The following CTNNA3 variants were observed in gnomAD, a reference collection of about 807,000 sequenced individuals.
The protein encoded by CTNNA3 is catenin alpha-3.
CTNNA3 carries 76 observed loss-of-function variants against 95.7 expected under a neutral mutation model. That is an observed-to-expected ratio of 0.79 (90% CI 0.66 to 0.96). The LOEUF (loss-of-function observed/expected upper bound fraction) is 0.96. CTNNA3 is among the 40% of genes least tolerant of loss of function. The pLI is 0.00. For missense variants in CTNNA3, 1,191 were observed against 1,089.8 expected (o/e 1.09, Z -1.31); for synonymous variants, 431 against 374.4 (o/e 1.15, Z -1.74).
chr10:65,999,772 T>G (rs2078734178), intron 15 of CTNNA3, among the ~76,000 whole-genome samples: 1 of 152,194 alleles, frequency 6.6e-6, no homozygotes, highest in Non-Finnish European at 1.5e-5. Context: ...ATTTCCATAA[T>G]GGGTTCTTGG....
intron 5 of CTNNA3, among the ~76,000 whole-genome samples, chr10:67,487,424 T>C (rs1186480833): frequency 1.3e-5 from 2 of 152,138 alleles, no homozygotes; most frequent in African/African-American, 4.8e-5. Context: ...TGTACGTGTG[T>C]GTCCTCTCTC....
At chr10:66,745,587 C>CTTTTTTT (rs368932444) in intron 9 of CTNNA3, among the ~76,000 whole-genome samples, 1 of 109,648 alleles carries the variant, frequency 9.1e-6, no homozygotes. Flanking sequence ...TGCAGACAGC[C>CTTTTTTT]TTTTTTTTTT....
intron 5 of CTNNA3, among the ~76,000 whole-genome samples, chr10:67,438,152 A>G (rs534114161): frequency 2.0e-5 from 3 of 152,172 alleles, no homozygotes; most frequent in Non-Finnish European, 4.4e-5. Context: ...TGTTTTTCCC[A>G]CTTACTGGCA....
At chr10:67,422,562 G>A (rs1427585754) in intron 5 of CTNNA3, among the ~76,000 whole-genome samples, 1 of 152,130 alleles carries the variant, frequency 6.6e-6, no homozygotes, top group East Asian at 1.9e-4. Context: ...TCAAATTAGA[G>A]GAGGGGCCTG....
intron 1 of CTNNA3, among the ~76,000 whole-genome samples, chr10:67,678,453 T>C (rs180956728): frequency 2.4e-4 from 37 of 152,276 alleles, no homozygotes; most frequent in African/African-American, 8.4e-4. Flanking sequence ...AGCTTCATCA[T>C]TCAGAGGGCA....
At chr10:67,327,993 G>T (rs767188465) in intron 5 of CTNNA3, among the ~76,000 whole-genome samples, 1 of 152,108 alleles carries the variant, frequency 6.6e-6, no homozygotes, top group African/African-American at 2.4e-5. Context: ...TTACCATAAG[G>T]GCAGAGCACT....
intron 9 of CTNNA3, among the ~76,000 whole-genome samples, chr10:66,694,758 G>A (rs4300298): frequency 0.18 from 26,932 of 152,060 alleles, 3,009 homozygotes; most frequent in East Asian, 0.34. Context: ...AATTCCAAGG[G>A]ATCACAAACA....
chr10:67,616,479 CTTT>C (rs752892858), intron 2 of CTNNA3, among the ~76,000 whole-genome samples: 5 of 152,180 alleles, frequency 3.3e-5, no homozygotes, highest in Non-Finnish European at 7.3e-5. Flanking sequence ...ACACTGGCTT[CTTT>C]GAGGAAGCAG....
At chr10:67,460,212 T>C (rs2132990486) in intron 5 of CTNNA3, among the ~76,000 whole-genome samples, 1 of 152,262 alleles carries the variant, frequency 6.6e-6, no homozygotes, top group East Asian at 1.9e-4. Flanking sequence ...GTTTTCATTC[T>C]AACTGTTGAA....
intron 10 of CTNNA3, among the ~76,000 whole-genome samples, chr10:66,543,754 G>T (rs1319850419): frequency 6.6e-6 from 1 of 151,332 alleles, no homozygotes. Flanking sequence ...TATAAGGAAA[G>T]CTGTGAATAG....
chr10:67,489,203 T>G (rs75378060), intron 5 of CTNNA3, among the ~76,000 whole-genome samples: 10,960 of 152,264 alleles, frequency 0.072, 479 homozygotes, highest in South Asian at 0.14. Flanking sequence ...CTTTTCTTTA[T>G]GTACCTAAGA....
At chr10:66,000,272 A>G (rs1353750493) in intron 15 of CTNNA3, among the ~76,000 whole-genome samples, 1 of 151,886 alleles carries the variant, frequency 6.6e-6, no homozygotes, top group Non-Finnish European at 1.5e-5. Flanking sequence ...TCTCTTTCCT[A>G]TCCCTGACCT....
At chr10:66,271,890 C>A (rs2091289606) in intron 13 of CTNNA3, among the ~76,000 whole-genome samples, 2 of 152,168 alleles carry the variant, frequency 1.3e-5, no homozygotes. Context: ...TGTAGCTTAA[C>A]ACGTTTCCTG....
chr10:66,889,546 T>C (rs943114885), intron 7 of CTNNA3, among the ~76,000 whole-genome samples: 4 of 152,034 alleles, frequency 2.6e-5, no homozygotes, highest in African/African-American at 9.7e-5. Context: ...ATAAAGTCTA[T>C]TAAAAAAAGA....
intron 5 of CTNNA3, among the ~76,000 whole-genome samples, chr10:67,244,768 T>C (rs1194527631): frequency 6.6e-6 from 1 of 152,172 alleles, no homozygotes; most frequent in East Asian, 1.9e-4. Flanking sequence ...TAAAAGCTAG[T>C]CCAGAAAACC....
chr10:67,726,426 T>TGAAATTATATATATTATATA lies in CTNNA3; in HGVS notation c.-2+37007_-2+37008insTATATAATATATATAATTTC, dbSNP rs1554879490. Reference sequence around the variant, plus strand: ...ATTATATCATATATAATATTATATATTATATCATATATAATATATAATATT... The same window carrying TGAAATTATATATATTATATA: ...ATTATATCATATATAATATTATATATGAAATTATATATATTATATATATATCATATATAATATATAATATT... On this transcript the variant is annotated intron_variant, in intron 1 of 17. Transcript: ENST00000684154. Among the ~76,000 whole-genome samples, 2 of 29,518 alleles carry TGAAATTATATATATTATATA rather than the reference T, an allele frequency of 6.8e-5. 1 individual carries two copies. Among genetic ancestry groups the TGAAATTATATATATTATATA allele is most frequent in the African/African-American group, 8.0e-4 (2 of 2,490 alleles). 19.4% of individuals were successfully genotyped at this position (29,518 alleles called of 152,430 possible).
chr10:66,356,515 A>G (rs1363664363), intron 12 of CTNNA3, among the ~76,000 whole-genome samples: 1 of 152,010 alleles, frequency 6.6e-6, no homozygotes, highest in Non-Finnish European at 1.5e-5. Flanking sequence ...AGCACGTATA[A>G]ATATAATAGA....
chr10:67,262,220 A>C (rs1180333530), intron 5 of CTNNA3, among the ~76,000 whole-genome samples: 2 of 152,168 alleles, frequency 1.3e-5, no homozygotes, highest in East Asian at 3.8e-4. Context: ...ATTGGCATTC[A>C]AGTAATTTAG....
chr10:66,901,033 C>T (rs188455968), intron 7 of CTNNA3, among the ~76,000 whole-genome samples: 44 of 152,218 alleles, frequency 2.9e-4, no homozygotes, highest in African/African-American at 1.1e-3. Flanking sequence ...GAGAACACCA[C>T]AAAGATACTC....
Sources: gnomAD v4.1 joint callset for allele counts (sites outside exome capture counted in the v4.1 genomes callset) on GRCh38, gnomAD v4.1.1 for gene constraint, MANE v1.5 for transcripts, NCBI Gene and HGNC (gene_info 2026-07-23, HGNC 2026-07-21) for gene names.